LAMC2: variants seen among roughly 807,000 people sequenced by gnomAD.
LAMC2 encodes the protein laminin subunit gamma-2.
A neutral mutation model predicts 140.2 loss-of-function variants in LAMC2; 97 were observed. The observed-to-expected ratio is 0.69, with a 90% CI of 0.59 to 0.82. LAMC2 has a LOEUF of 0.82. LAMC2 is among the 40% of genes least tolerant of loss of function. The pLI, the probability that LAMC2 is intolerant of heterozygous loss-of-function variation, is 0.00. For synonymous variants in LAMC2, 513 were observed against 540.2 expected (o/e 0.95, Z 0.70); for missense variants, 1,402 against 1,476.1 (o/e 0.95, Z 0.82).
Position 183,222,221 on chromosome 1 carries a change from G to A in LAMC2, c.763+10G>A, listed in dbSNP as rs376393209. 4.3e-6 allele frequency: 7 copies of A among 1,613,742 alleles called. No individual in the cohort carries two copies. The highest frequency in any genetic ancestry group is 1.3e-5 in the African/African-American group (1 of 74,908). ...TATTTTGTGGCTCCTGGTATGTGAG[G>A]AATAATGTCTCCTATAGAGGCCAGC... On this transcript the variant is annotated intron_variant, in intron 6 of 22. Transcript: ENST00000264144.
At chr1:183,195,617 T>A (rs1053313617) in intron 1 of LAMC2, among the ~76,000 whole-genome samples, 1 of 152,250 alleles carries the variant, frequency 6.6e-6, no homozygotes, top group Non-Finnish European at 1.5e-5. Context: ...ATCAGTTTTC[T>A]GGCTGTGGTG....
intron 2 of LAMC2, among the ~76,000 whole-genome samples, chr1:183,209,402 A>T (rs1399795158): frequency 6.6e-6 from 1 of 152,060 alleles, no homozygotes; most frequent in African/African-American, 2.4e-5. Context: ...CTTATAGAAA[A>T]CTGGGTGACC....
intron 2 of LAMC2, among the ~76,000 whole-genome samples, chr1:183,209,634 C>T (rs1659011289): frequency 6.6e-6 from 1 of 152,176 alleles, no homozygotes; most frequent in Admixed American, 6.5e-5. Flanking sequence ...TGAAGAGCTC[C>T]TATTGCCTTA....
chr1:183,192,306 A>G (rs566625), intron 1 of LAMC2, among the ~76,000 whole-genome samples: 67,860 of 152,116 alleles, frequency 0.45, 16,296 homozygotes, highest in East Asian at 0.73. Flanking sequence ...CCGCATTAGA[A>G]AAGAATCAAA....
At chr1:183,223,692 G>A (rs556953100) in intron 7 of LAMC2, among the ~76,000 whole-genome samples, 1 of 152,322 alleles carries the variant, frequency 6.6e-6, no homozygotes, top group South Asian at 2.1e-4. Flanking sequence ...GAAAGAGAAG[G>A]GAGGAAAGGT....
intron 14 of LAMC2, among the ~76,000 whole-genome samples, chr1:183,234,076 G>A (rs1319791208): frequency 2.0e-5 from 3 of 151,712 alleles, no homozygotes; most frequent in South Asian, 4.2e-4. Context: ...TAGAAGGGAC[G>A]GGGTTTCACC....
chr1:183,188,960 GC>G (rs1199785848), intron 1 of LAMC2, among the ~76,000 whole-genome samples: 2 of 152,346 alleles, frequency 1.3e-5, no homozygotes, highest in East Asian at 3.9e-4. Context: ...TGATTTGTAA[GC>G]AGGAATTAGT....
In LAMC2 at chr1:183,238,435, G is replaced by T; in HGVS notation, c.2869+14G>T. On this transcript the variant is annotated intron_variant, in intron 19 of 22. Coordinates refer to ENST00000264144, the MANE Select transcript of LAMC2 (RefSeq NM_005562.3). ...AAAACCTCAGAGGTTAGTACTTCATGGTTCAGGTCACTTGAGTATTTTAAG... is the reference window on the plus strand; with the variant it reads ...AAAACCTCAGAGGTTAGTACTTCATTGTTCAGGTCACTTGAGTATTTTAAG... 6.5e-7 allele frequency: 1 copy of T among 1,548,746 alleles called. No individual in the cohort carries two copies. The highest frequency in any genetic ancestry group is 8.9e-7 in the Non-Finnish European group (1 of 1,120,352).
chr1:183,194,140 G>C (rs1025588735), intron 1 of LAMC2, among the ~76,000 whole-genome samples: 3 of 151,478 alleles, frequency 2.0e-5, no homozygotes, highest in African/African-American at 7.3e-5. Flanking sequence ...GCCTGGTCTC[G>C]AACTCCTGAT....
At chr1:183,210,272 A>G (rs1659031523) in intron 2 of LAMC2, among the ~76,000 whole-genome samples, 1 of 152,180 alleles carries the variant, frequency 6.6e-6, no homozygotes, top group African/African-American at 2.4e-5. Flanking sequence ...GCAAATCTGG[A>G]CACAACCACC....
chr1:183,232,960 G>GT, intron 14 of LAMC2, 103 bp downstream of exon 14: 1 of 1,054,538 alleles, frequency 9.5e-7, no homozygotes, highest in Non-Finnish European at 1.4e-6. Context: ...CTCACTTTCT[G>GT]TTTCTGATCT....
At chr1:183,257,068 C>T in the LAMC2 span, among the ~76,000 whole-genome samples, 5 of 151,898 alleles carry the variant, frequency 3.3e-5, no homozygotes, top group African/African-American at 4.8e-5. Context: ...GTGTCTTTAT[C>T]TGGCTTAGGT....
In LAMC2 at chr1:183,228,862, C is replaced by T. The variant is rs1659714680; in HGVS notation, c.1714+243C>T. 6.6e-6 allele frequency among the ~76,000 whole-genome samples: 1 copy of T among 152,174 alleles called. No homozygotes were observed. The highest frequency in any genetic ancestry group is 1.9e-4 in the East Asian group (1 of 5,190). ...GCTGGGTGGGAGAAGTGAAAAAGGT[C>T]AGGTTTACATTCCTACGCGGAAAAG... is the stretch of plus-strand genomic sequence containing the variant. On this transcript the variant is annotated intron_variant, in intron 11 of 22. Transcript: ENST00000264144. This position sits in a 1 kb window ranked among gnomAD's most constrained non-coding sequence, Gnocchi z 4.3.
chr1:183,220,928 A>C lies in LAMC2; in HGVS notation c.607A>C (p.Ser203Arg), dbSNP rs1228895607. The C allele has an allele frequency of 6.2e-7, 1 of 1,614,182 alleles. No individual in the cohort carries two copies. The change falls in exon 5 of 23, where the codon AGT becomes CGT. Residue 203 changes from serine (S) to arginine (R), a missense_variant. Around this residue, in one of 3 missense-constraint regions of LAMC2, gnomAD observed 723 missense variants for 783.3 expected, o/e 0.92. Coordinates refer to ENST00000264144, the MANE Select transcript of LAMC2 (RefSeq NM_005562.3). The part of the protein sequence containing the change: ...SASCRSSAEY[S>R]VHKITSTFHQ... ...CAGCTGCCGCAGCTCTGCAGAATACAGTGTCCATAAGATCACCTCTACCTT... is the reference window on the plus strand; with the variant it reads ...CAGCTGCCGCAGCTCTGCAGAATACCGTGTCCATAAGATCACCTCTACCTT...
At chr1:183,220,597 A>G (rs1659436200) in intron 4 of LAMC2, among the ~76,000 whole-genome samples, 1 of 151,980 alleles carries the variant, frequency 6.6e-6, no homozygotes. Flanking sequence ...TCTGTTCTAC[A>G]AAGGAACAGA....
chr1:183,257,347 A>G, the LAMC2 span, among the ~76,000 whole-genome samples: 1 of 152,084 alleles, frequency 6.6e-6, no homozygotes, highest in Non-Finnish European at 1.5e-5. Context: ...AGGCTGAGGC[A>G]GGAGAATCAC....
rs141679163 is a variant in LAMC2, at chr1:183,240,079, G to T, written c.3109G>T (p.Asp1037Tyr). The stretch of plus-strand genomic sequence containing the variant: ...GAACTTGGAAGCCAATGTGACAGCA[G>T]ATGGAGCCTTGGCCATGGAAAAGGG... Reference protein sequence around the residue: ...SLNLEANVTADGALAMEKGLA... With the variant: ...SLNLEANVTAYGALAMEKGLA... The change falls in exon 21 of 23, where the codon GAT becomes TAT. Residue 1037 changes from aspartate to tyrosine, a missense_variant. Coordinates refer to ENST00000264144, the MANE Select transcript of LAMC2 (RefSeq NM_005562.3). 845 of 1,614,170 alleles carry T rather than the reference G, an allele frequency of 5.2e-4. 1 individual carries two copies. Among genetic ancestry groups the T allele is most frequent in the Non-Finnish European group, 6.6e-4 (780 of 1,180,026 alleles).
At chr1:183,219,440 CT>C (rs1309227652) in intron 4 of LAMC2, among the ~76,000 whole-genome samples, 1 of 152,210 alleles carries the variant, frequency 6.6e-6, no homozygotes, top group Non-Finnish European at 1.5e-5. Flanking sequence ...AAATAGACCT[CT>C]GCTAAAACTG....
chr1:183,208,101 A>T lies in LAMC2; in HGVS notation c.268+32A>T, dbSNP rs1386205535. 1.9e-6 allele frequency: 3 copies of T among 1,571,850 alleles called. No individual in the cohort carries two copies. The East Asian group carries it at 6.7e-5, about 35-fold the overall frequency. On this transcript the variant is annotated intron_variant, in intron 2 of 22. Coordinates refer to ENST00000264144, the MANE Select transcript of LAMC2 (RefSeq NM_005562.3). ...GAAAAGGACGGAAAGAGGGAGAGGG[A>T]GATGGAGCAGTGGGGAGACAAGAGG...
Sources: gnomAD v4.1 joint callset for allele counts (sites outside exome capture counted in the v4.1 genomes callset) on GRCh38, gnomAD v4.1.1 for gene constraint, gnomAD v4.1.1 regional missense constraint, Gnocchi (gnomAD v3.1) non-coding constraint, MANE v1.5 for transcripts, NCBI Gene and HGNC (gene_info 2026-07-23, HGNC 2026-07-21) for gene names.